The following LAMP5 variants were observed in gnomAD, a reference collection of about 807,000 sequenced individuals.
The protein encoded by LAMP5 is lysosome associated membrane protein 5, also known as lysosome-associated membrane glycoprotein 5.
A neutral mutation model predicts 30.2 loss-of-function variants in LAMP5; 36 were observed. That is an observed-to-expected ratio of 1.19 (90% confidence interval 0.91 to 1.57). LAMP5 has a LOEUF of 1.57. Ranked by LOEUF, LAMP5 falls within the 40% of genes most tolerant of loss-of-function variation. The pLI is 0.00. For missense variants in LAMP5, 377 were observed against 354.9 expected (o/e 1.06, Z -0.50); for synonymous variants, 149 against 134.6 (o/e 1.11, Z -0.74).
chr20:9,524,980 T>C (rs917388863), intron 5 of LAMP5, among the ~76,000 whole-genome samples: 1 of 152,218 alleles, frequency 6.6e-6, no homozygotes, highest in African/African-American at 2.4e-5. Context: ...GGTTGGTAAG[T>C]GCAGGATTTG....
intron 5 of LAMP5, among the ~76,000 whole-genome samples, chr20:9,524,472 T>C (rs1347744950): frequency 3.4e-5 from 5 of 148,340 alleles, no homozygotes; most frequent in Non-Finnish European, 6.0e-5. Context: ...ATGTAAAATA[T>C]TGTTTTTTTT....
rs115026545 is a variant in LAMP5 at position 9,527,634 on chromosome 20, T to C, written c.665-2008T>C. On this transcript the variant is annotated intron_variant, in intron 5 of 5. Transcript: ENST00000246070. ...GTGTTTATGAAGAGACATGTAAAGC[T>C]TGTTTATTTTTCACTTGTGGCTCCT... Among the ~76,000 whole-genome samples the C allele has an allele frequency of 7.0e-3, 1,068 of 152,314 alleles. 13 individuals carry two copies. Among genetic ancestry groups the C allele is most frequent in the African/African-American group, 0.025 (1,021 of 41,568 alleles).
chr20:9,527,162 T>A lies in LAMP5; in HGVS notation c.665-2480T>A, dbSNP rs191107239. Among the ~76,000 whole-genome samples the A allele has an allele frequency of 2.6e-5, 4 of 152,068 alleles. No homozygotes were observed. In the East Asian group the frequency reaches 7.8e-4, roughly 29 times the overall value. On this transcript the variant is annotated intron_variant, in intron 5 of 5. Coordinates refer to ENST00000246070, the MANE Select transcript of LAMP5 (RefSeq NM_012261.4). The stretch of plus-strand genomic sequence containing the variant: ...ACAAATCCTCCTTTCTGCTCCACCT[T>A]GGGATTCTGTGGCCTTTTAATGCCA...
intron 5 of LAMP5, among the ~76,000 whole-genome samples, chr20:9,520,487 G>A (rs1167242966): frequency 2.0e-5 from 3 of 152,032 alleles, no homozygotes; most frequent in African/African-American, 2.4e-5. Flanking sequence ...GGGGCCTTTC[G>A]GTGTGTGCAT....
Position 9,516,241 on chromosome 20 carries a change from TC to T in LAMP5, c.370-11del. The stretch of plus-strand genomic sequence containing the variant: ...GCTGCGGGGACGATTGAAGCGCACC[TC>T]CCCGGCTCAACAGGAAAGCCACAAC... On this transcript the variant is annotated splice_polypyrimidine_tract_variant and intron_variant, in intron 3 of 5. Coordinates refer to ENST00000246070, the MANE Select transcript of LAMP5 (RefSeq NM_012261.4). 6.2e-7 allele frequency: 1 copy of T among 1,613,664 alleles called. No individual in the cohort carries two copies. Among genetic ancestry groups the T allele is most frequent in the Non-Finnish European group, 8.5e-7 (1 of 1,179,722 alleles).
chr20:9,529,007 A>G (rs2045132611), intron 5 of LAMP5, among the ~76,000 whole-genome samples: 1 of 152,170 alleles, frequency 6.6e-6, no homozygotes. Flanking sequence ...TTTGATGGAC[A>G]TTTTGGTTGT....
intron 5 of LAMP5, among the ~76,000 whole-genome samples, chr20:9,528,132 G>A (rs1251950929): frequency 1.3e-5 from 2 of 152,188 alleles, no homozygotes; most frequent in African/African-American, 4.8e-5. Context: ...ATTGAAAAGA[G>A]TGAGATGGTG....
intron 5 of LAMP5, among the ~76,000 whole-genome samples, chr20:9,529,105 G>A (rs1345292448): frequency 6.6e-6 from 1 of 152,076 alleles, no homozygotes; most frequent in Non-Finnish European, 1.5e-5. Flanking sequence ...TTTTCCTGGG[G>A]TAAATGCCTA....
chr20:9,524,595 T>TAAAAAAAAA (rs748114210), intron 5 of LAMP5, among the ~76,000 whole-genome samples: 22 of 81,678 alleles, frequency 2.7e-4, no homozygotes, highest in African/African-American at 6.2e-4. Context: ...CAGATCGAAC[T>TAAAAAAAAA]AAAAAAAAAA....
In LAMP5 at chr20:9,515,462, C is replaced by G. The variant is rs1243940347; in HGVS notation, c.74C>G (p.Ala25Gly). The change falls in exon 2 of 6, where the codon GCT (alanine) becomes GGT (glycine). Residue 25 changes from alanine (A) to glycine (G), a missense_variant. By Grantham distance (60) the Ala-to-Gly change is moderately conservative. Transcript: ENST00000246070. ...RVLLMLFHTM[A>G]QIMAEQEVEN... The stretch of plus-strand genomic sequence containing the variant: ...TTTGTTTGTTCCGCAGATACAATGG[C>G]TCAAATCATGGCAGAACAAGAAGTG... The G allele has an allele frequency of 6.2e-7, 1 of 1,613,522 alleles. No individual in the cohort carries two copies. The highest frequency in any genetic ancestry group is 8.5e-7 in the Non-Finnish European group (1 of 1,179,706).
At chr20:9,526,879 T>C (rs1448118029) in intron 5 of LAMP5, among the ~76,000 whole-genome samples, 3 of 111,806 alleles carry the variant, frequency 2.7e-5, no homozygotes, top group African/African-American at 1.1e-4. Context: ...TATATATATA[T>C]ATATATATAT....
chr20:9,514,647 A>T lies in LAMP5; in HGVS notation c.-206A>T. 2.1e-5 allele frequency: 10 copies of T among 483,216 alleles called. No homozygotes were observed. The highest frequency in any genetic ancestry group is 3.4e-5 in the Non-Finnish European group (9 of 265,060). 29.9% of individuals were successfully genotyped at this position (483,216 alleles called of 1,614,324 possible). A position where few individuals can be genotyped will look rare whatever the true frequency, so the allele number is the denominator to read the frequency against. On this transcript the variant is annotated 5_prime_UTR_variant, in exon 1 of 6. Coordinates refer to ENST00000246070, the MANE Select transcript of LAMP5 (RefSeq NM_012261.4). ...CCGTGCGGTCCTTTCCTCCGCAGTGAGCCGATTTGCTCTGCCAGCAGCTGT... is the reference window on the plus strand; with the variant it reads ...CCGTGCGGTCCTTTCCTCCGCAGTGTGCCGATTTGCTCTGCCAGCAGCTGT...
chr20:9,520,356 A>C (rs1377277984), intron 5 of LAMP5, among the ~76,000 whole-genome samples: 2 of 152,174 alleles, frequency 1.3e-5, no homozygotes, highest in South Asian at 2.1e-4. Flanking sequence ...TCCTCTCAGC[A>C]CCTGCCCCGA....
rs756184676 is a variant in LAMP5 at position 9,518,169 on chromosome 20, T to A, written c.605T>A (p.Ile202Asn). ...GATCCGCAGAAGACGGTCACCATGA[T>A]CCTGTCTGCGGTCCACATCCAACCT... Reference protein sequence around the residue: ...SSDPQKTVTMILSAVHIQPFD... With the variant: ...SSDPQKTVTMNLSAVHIQPFD... Residue 202 changes from isoleucine to asparagine, a missense_variant, in exon 5 of 6, where the codon ATC becomes AAC. Coordinates refer to ENST00000246070, the MANE Select transcript of LAMP5 (RefSeq NM_012261.4). 3.2e-5 allele frequency: 52 copies of A among 1,614,092 alleles called. No homozygotes were observed. Among genetic ancestry groups the A allele is most frequent in the Non-Finnish European group, 3.4e-5 (40 of 1,180,042 alleles).
Position 9,529,729 on chromosome 20 carries a change from T to C in LAMP5, c.752T>C (p.Val251Ala), listed in dbSNP as rs202200983. The change falls in exon 6 of 6, where the codon GTA (valine) becomes GCA (alanine). Residue 251 changes from valine to alanine, a missense_variant. Coordinates refer to ENST00000246070, the MANE Select transcript of LAMP5 (RefSeq NM_012261.4). Reference sequence around the variant, plus strand: ...CTCATCTTGGGCCTCGTCATCATGGTAACACTCGCGATTTACCACGTCCAC... The same window carrying C: ...CTCATCTTGGGCCTCGTCATCATGGCAACACTCGCGATTTACCACGTCCAC... ...LGLILGLVIM[V>A]TLAIYHVHHK... 24 of 1,614,180 alleles carry C rather than the reference T, an allele frequency of 1.5e-5. No individual in the cohort carries two copies. The East Asian group carries it at 4.9e-4, about 33-fold the overall frequency.
chr20:9,518,135 G>T lies in LAMP5; in HGVS notation c.571G>T (p.Ala191Ser), dbSNP rs527594563. 1 of 1,614,166 alleles carries T rather than the reference G, an allele frequency of 6.2e-7. No homozygotes were observed. The highest frequency in any genetic ancestry group is 8.5e-7 in the Non-Finnish European group (1 of 1,179,990). The change falls in exon 5 of 6, where the codon GCC (alanine) becomes TCC (serine). Residue 191 changes from alanine (A) to serine (S), a missense_variant. By Grantham distance (99) the Ala-to-Ser change is moderately conservative. Coordinates refer to ENST00000246070, the MANE Select transcript of LAMP5 (RefSeq NM_012261.4). The part of the protein sequence containing the change: ...ECQAQQTISL[A>S]SSDPQKTVTM... ...TCAAGCTCAACAAACCATTTCACTG[G>T]CCTCTAGTGATCCGCAGAAGACGGT...
At position 9,529,640 on chromosome 20, in the gene LAMP5, A is replaced by G. The variant is rs775288519; in HGVS notation, c.665-2A>G. 6.2e-7 allele frequency: 1 copy of G among 1,613,198 alleles called. No individual in the cohort carries two copies. Among genetic ancestry groups the G allele is most frequent in the Non-Finnish European group, 8.5e-7 (1 of 1,179,306 alleles). On this transcript the variant is annotated splice_acceptor_variant, in intron 5 of 5. Transcript: ENST00000246070. LOFTEE classifies it high-confidence loss of function. ...CTCTGCTTTTCTTCTTTCCCATTGCAGAGCATAAATGCCCAGTGGATGAGC... is the reference window on the plus strand; with the variant it reads ...CTCTGCTTTTCTTCTTTCCCATTGCGGAGCATAAATGCCCAGTGGATGAGC...
chr20:9,525,856 A>AAGCTCTTGCTCCCAGACAC (rs1213076544), intron 5 of LAMP5, among the ~76,000 whole-genome samples: 10 of 152,166 alleles, frequency 6.6e-5, no homozygotes, highest in Non-Finnish European at 1.5e-4. Flanking sequence ...TTTGCTACAT[A>AAGCTCTTGCTCCCAGACAC]AGCTCTTGCT....
intron 1 of LAMP5, 81 bp from the exon 2 acceptor site, chr20:9,515,372 A>T: frequency 7.4e-7 from 1 of 1,355,432 alleles, no homozygotes; most frequent in South Asian, 1.4e-5. Flanking sequence ...CAAAGCCTGC[A>T]GAGCACTGTC....
Sources: allele counts gnomAD v4.1 joint callset (sites outside exome capture counted in the v4.1 genomes callset), GRCh38; gene constraint gnomAD v4.1.1; transcripts MANE v1.5; gene names NCBI Gene and HGNC (gene_info 2026-07-23, HGNC 2026-07-21).